TRPM6: variants seen among roughly 807,000 people sequenced by gnomAD.
The protein encoded by TRPM6 is transient receptor potential cation channel subfamily M member 6.
A neutral mutation model predicts 247.6 loss-of-function variants in TRPM6; 111 were observed. The observed-to-expected ratio is 0.45, with a 90% CI of 0.38 to 0.52. TRPM6 has a LOEUF of 0.52. TRPM6 is among the 20% of genes least tolerant of loss of function. TRPM6 has a pLI of 0.00. For missense variants in TRPM6, 2,126 were observed against 2,421.5 expected, an observed-to-expected ratio of 0.88 and a Z score of 2.56; for synonymous variants, 892 against 853.8, an observed-to-expected ratio of 1.04 and a Z score of -0.78.
intron 1 of TRPM6, among the ~76,000 whole-genome samples, chr9:74,876,710 T>G (rs1405267938): frequency 6.6e-6 from 1 of 152,192 alleles, no homozygotes; most frequent in Non-Finnish European, 1.5e-5. Context: ...GTCACTTTCC[T>G]GAATATCTGA....
chr9:74,752,240 C>A, intron 29 of TRPM6, 37 bp downstream of exon 29: 1 of 1,294,486 alleles, frequency 7.7e-7, no homozygotes, highest in South Asian at 1.2e-5. Flanking sequence ...ACTGCATGCT[C>A]GAATGCTTTT....
chr9:74,836,106 C>A (rs893685762), intron 5 of TRPM6, among the ~76,000 whole-genome samples: 8 of 152,110 alleles, frequency 5.3e-5, no homozygotes, highest in African/African-American at 1.9e-4. Flanking sequence ...TGAAAATATT[C>A]TGTGCTCTGC....
intron 23 of TRPM6, among the ~76,000 whole-genome samples, chr9:74,777,930 GA>G (rs1394168496): frequency 6.6e-6 from 1 of 151,868 alleles, no homozygotes; most frequent in African/African-American, 2.4e-5. Flanking sequence ...CAAGTTTCAA[GA>G]AAAAAAATGA....
At position 74,835,461 on chromosome 9, in the gene TRPM6, AT is replaced by A. The variant is rs540768159; in HGVS notation, c.545-1340del. Among the ~76,000 whole-genome samples the A allele has an allele frequency of 7.2e-5, 11 of 152,246 alleles. No homozygotes were observed. In the East Asian group the frequency reaches 2.1e-3, roughly 30 times the overall value. On this transcript the variant is annotated intron_variant, in intron 5 of 38. Transcript: ENST00000360774. The stretch of plus-strand genomic sequence containing the variant: ...GTCCCTTGCTCATTAAGGCAAACTA[AT>A]TTAATAGCTTTATATGCACAAATAT...
intron 1 of TRPM6, among the ~76,000 whole-genome samples, chr9:74,875,042 G>C (rs1160454461): frequency 6.6e-6 from 1 of 151,866 alleles, no homozygotes; most frequent in African/African-American, 2.4e-5. Context: ...TGGGATTACA[G>C]GCATAAGCCA....
At chr9:74,784,049 A>G (rs1333796215) in intron 21 of TRPM6, among the ~76,000 whole-genome samples, 1 of 152,186 alleles carries the variant, frequency 6.6e-6, no homozygotes, top group Non-Finnish European at 1.5e-5. Context: ...TGAGGTCAAG[A>G]GTTTGAGACT....
Position 74,887,920 on chromosome 9 carries a change from C to T in TRPM6, c.-64G>A. 6.3e-7 allele frequency: 1 copy of T among 1,591,842 alleles called. No individual in the cohort carries two copies. The highest frequency in any genetic ancestry group is 1.1e-5 in the South Asian group (1 of 90,594). ...GCTTTTAACTGTGGAGGCAGAAACT[C>T]TGGGCTCCACCTCCACACGCTGCCT... On this transcript the variant is annotated 5_prime_UTR_variant, in exon 1 of 39. Transcript: ENST00000360774.
At position 74,739,415 on chromosome 9, in the gene TRPM6, A is replaced by G; in HGVS notation, c.5522T>C (p.Ile1841Thr). 1.2e-6 allele frequency: 2 copies of G among 1,614,134 alleles called. No individual in the cohort carries two copies. Among genetic ancestry groups the G allele is most frequent in the Non-Finnish European group, 1.7e-6 (2 of 1,180,010 alleles). The part of the protein sequence containing the change: ...IQQQRAAQKL[I>T]YTFNQVKPQT... ...TGGTTTCACTTGGTTGAAGGTATAG[A>G]TCAATTTTTGAGCAGCTCTTTGTTG... Residue 1841 changes from isoleucine to threonine, a missense_variant, in exon 35 of 39, where the codon ATC becomes ACC. Transcript: ENST00000360774.
intron 21 of TRPM6, 60 bp from the exon 22 acceptor site, chr9:74,782,913 A>G: frequency 6.7e-7 from 1 of 1,501,734 alleles, no homozygotes; most frequent in South Asian, 1.1e-5. Flanking sequence ...AAAAGAAACC[A>G]AACACCAGCA....
At chr9:74,797,894 A>G (rs188487095) in intron 17 of TRPM6, among the ~76,000 whole-genome samples, 3 of 152,320 alleles carry the variant, frequency 2.0e-5, no homozygotes, top group Admixed American at 2.0e-4. Context: ...AAAATCAAGA[A>G]TCTAAAAGTA....
Position 74,752,351 on chromosome 9 carries a change from G to T in TRPM6, c.4924C>A (p.His1642Asn). The T allele has an allele frequency of 1.3e-6, 2 of 1,579,828 alleles. No individual in the cohort carries two copies. The highest frequency in any genetic ancestry group is 1.7e-6 in the Non-Finnish European group (2 of 1,154,008). Reference protein sequence around the residue: ...FSHTGVEPYIHQKMKTKEIGQ... With the variant: ...FSHTGVEPYINQKMKTKEIGQ... Reference sequence around the variant, plus strand: ...ATTTCTTTAGTTTTCATTTTCTGATGTATGTAAGGTTCTACACCTTGTAAA... The same window carrying T: ...ATTTCTTTAGTTTTCATTTTCTGATTTATGTAAGGTTCTACACCTTGTAAA... Residue 1642 changes from histidine to asparagine, a missense_variant, in exon 29 of 39, where the codon CAT (histidine) becomes AAT (asparagine). Physicochemically the swap from His to Asn is moderately conservative, Grantham distance 68 (BLOSUM62 1). Coordinates refer to ENST00000360774, the MANE Select transcript of TRPM6 (RefSeq NM_017662.5).
At chr9:74,801,275 T>TTTA (rs1491404272) in intron 16 of TRPM6, among the ~76,000 whole-genome samples, 1 of 75,814 alleles carries the variant, frequency 1.3e-5, no homozygotes, top group African/African-American at 6.3e-5. Context: ...TTTTTTTTTT[T>TTTA]ATTGACGGAG....
At chr9:74,738,642 C>T in intron 35 of TRPM6, 30 bp from the exon 36 acceptor site, 1 of 1,599,232 alleles carries the variant, frequency 6.3e-7, no homozygotes, top group Non-Finnish European at 8.6e-7. Context: ...CATTGATCCC[C>T]CACAATACAG....
chr9:74,739,688 C>T (rs756418356), intron 34 of TRPM6, 35 bp downstream of exon 34: 44 of 1,607,282 alleles, frequency 2.7e-5, no homozygotes, highest in Non-Finnish European at 3.7e-5. Flanking sequence ...TTGACTTGTC[C>T]CTCTGGGCTA....
At chr9:74,810,897 T>C in intron 12 of TRPM6, 29 bp from the exon 13 acceptor site, 5 of 1,579,980 alleles carry the variant, frequency 3.2e-6, no homozygotes, top group Non-Finnish European at 4.3e-6. Context: ...GGAAGAATTA[T>C]TCTCTTTAAT....
chr9:74,792,545 C>T, intron 19 of TRPM6, 79 bp downstream of exon 19: 1 of 1,477,112 alleles, frequency 6.8e-7, no homozygotes, highest in Non-Finnish European at 9.5e-7. Context: ...TGCAAAGTGG[C>T]AAATCAGGCA....
At chr9:74,750,771 C>T (rs776703735) in intron 29 of TRPM6, 49 bp from the exon 30 acceptor site, 8 of 1,557,664 alleles carry the variant, frequency 5.1e-6, no homozygotes, top group Non-Finnish European at 4.4e-6. Context: ...ATAGTCCCAC[C>T]CCAAGTTTCT....
At chr9:74,801,638 C>G (rs1828341286) in intron 16 of TRPM6, among the ~76,000 whole-genome samples, 1 of 152,080 alleles carries the variant, frequency 6.6e-6, no homozygotes, top group African/African-American at 2.4e-5. Context: ...GAAACTAAAG[C>G]CCCGAAATCT....
chr9:74,750,739 G>A lies in TRPM6; in HGVS notation c.4999-17C>T. 1 of 1,613,606 alleles carries A rather than the reference G, an allele frequency of 6.2e-7. No homozygotes were observed. The highest frequency in any genetic ancestry group is 8.5e-7 in the Non-Finnish European group (1 of 1,179,582). ...GCTGAGATCCTGAGCAGAAGGGAAA[G>A]GCCGTTACGTGTGTGCTCAACATAG... On this transcript the variant is annotated splice_polypyrimidine_tract_variant and intron_variant, in intron 29 of 38. Coordinates refer to ENST00000360774, the MANE Select transcript of TRPM6 (RefSeq NM_017662.5).
Sources: gnomAD v4.1 joint callset for allele counts (sites outside exome capture counted in the v4.1 genomes callset) on GRCh38, gnomAD v4.1.1 for gene constraint, MANE v1.5 for transcripts, NCBI Gene and HGNC (gene_info 2026-07-23, HGNC 2026-07-21) for gene names.